SLC16A1: variants seen among roughly 807,000 people sequenced by gnomAD.
The protein encoded by SLC16A1 is solute carrier family 16 member 1, also known as monocarboxylate transporter 1.
Under a neutral mutation model 32.2 loss-of-function variants are expected in SLC16A1, and 11 were observed. The observed-to-expected ratio is 0.34, with a 90% CI of 0.21 to 0.56. The LOEUF (loss-of-function observed/expected upper bound fraction) is 0.56, where lower values mean the gene tolerates loss of function less well. Among genes scored for constraint, SLC16A1 ranks in the 20% least tolerant of loss-of-function variants. The pLI is 0.87. For synonymous variants in SLC16A1, 231 were observed against 226.8 expected (o/e 1.02, Z -0.17); for missense variants, 435 against 615.0 (o/e 0.71, Z 3.10).
chr1:112,953,410 G>A (rs960493585), intron 1 of SLC16A1, among the ~76,000 whole-genome samples: 17 of 152,080 alleles, frequency 1.1e-4, no homozygotes, highest in African/African-American at 3.4e-4. Flanking sequence ...TGATCCACCC[G>A]CCTTGGCCTC....
chr1:112,939,396 T>A (rs1649424671), intron 1 of SLC16A1, among the ~76,000 whole-genome samples: 1 of 152,216 alleles, frequency 6.6e-6, no homozygotes, highest in Admixed American at 6.5e-5. Context: ...CCAAAGGAAC[T>A]GAAATCTGGA....
chr1:112,953,719 G>C (rs1649981594), intron 1 of SLC16A1, among the ~76,000 whole-genome samples: 1 of 152,148 alleles, frequency 6.6e-6, no homozygotes, highest in Non-Finnish European at 1.5e-5. Context: ...TGTAGCTTCA[G>C]TGTTCATGTC....
Position 112,917,157 on chromosome 1 carries a change from T to TA in SLC16A1, c.1228+20dup. 3.7e-6 allele frequency: 6 copies of TA among 1,614,044 alleles called. No homozygotes were observed. Among genetic ancestry groups the TA allele is most frequent in the Non-Finnish European group, 5.1e-6 (6 of 1,179,998 alleles). ...TGCTTGTTTTGTAATAGACCCACAT[T>TA]AGTAGGGAGATATACTATACCTAAA... On this transcript the variant is annotated intron_variant, in intron 4 of 4. Transcript: ENST00000369626. This position sits in a 1 kb window ranked among gnomAD's most constrained non-coding sequence, Gnocchi z 4.1.
Position 112,929,346 on chromosome 1 carries a change from C to T in SLC16A1, c.-38G>A. ...TAAATTCCAAAATGCAGGTCAAATC[C>T]AAATATCTGAAAGACATAAAATTAA... On this transcript the variant is annotated 5_prime_UTR_variant, in exon 2 of 5. Coordinates refer to ENST00000369626, the MANE Select transcript of SLC16A1 (RefSeq NM_003051.4). 1 of 1,526,630 alleles carries T rather than the reference C, an allele frequency of 6.6e-7. No individual in the cohort carries two copies. 94.6% of individuals were successfully genotyped at this position (1,526,630 alleles called of 1,614,324 possible).
At chr1:112,934,705 AAAGAAAAGGAGAC>A (rs1649241533) in intron 1 of SLC16A1, among the ~76,000 whole-genome samples, 1 of 152,212 alleles carries the variant, frequency 6.6e-6, no homozygotes, top group South Asian at 2.1e-4. Flanking sequence ...AGATGAGGAT[AAAGAAAAGGAGAC>A]AAGAGGAGGA....
At position 112,929,140 on chromosome 1, in the gene SLC16A1, C is replaced by G. The variant is rs571088514; in HGVS notation, c.169G>C (p.Glu57Gln). Residue 57 changes from glutamate (E) to glutamine (Q), a missense_variant, in exon 2 of 5, where the codon GAA (glutamate) becomes CAA (glutamine). Physicochemically the swap from Glu to Gln is conservative, Grantham distance 29. This residue lies in a region of SLC16A1 where 324 missense variants were observed against 500.3 expected (regional missense o/e 0.65). Transcript: ENST00000369626. ...IEGIFHATTS[E>Q]VSWISSIMLA... The stretch of plus-strand genomic sequence containing the variant: ...ATTATGGAGGATATCCATGACACTT[C>G]GCTGGTGGTGGCATGGAATATACCT... The G allele has an allele frequency of 2.5e-6, 4 of 1,613,950 alleles. No individual in the cohort carries two copies. The highest frequency in any genetic ancestry group is 2.5e-6 in the Non-Finnish European group (3 of 1,179,998).
chr1:112,921,231 G>A (rs7518984), intron 3 of SLC16A1, among the ~76,000 whole-genome samples: 45,500 of 151,900 alleles, frequency 0.3, 8,698 homozygotes, highest in African/African-American at 0.54. Context: ...TTTAAAAAAG[G>A]CAATATCCCA....
At position 112,923,800 on chromosome 1, in the gene SLC16A1, C is replaced by T. The variant is rs1045092371; in HGVS notation, c.218-1667G>A. The T allele has an allele frequency of 8.7e-6, 13 of 1,496,726 alleles. No homozygotes were observed. In the Admixed American group the frequency reaches 2.2e-4, roughly 25 times the overall value. 92.7% of individuals were successfully genotyped at this position (1,496,726 alleles called of 1,614,324 possible). A position where few individuals can be genotyped will look rare whatever the true frequency, so the allele number is the denominator to read the frequency against. Reference sequence around the variant, plus strand: ...TCCAACTATGCCACCTGGGAAGTGGCCAAGATCTGTAACCTCTGCAAGAGC... The same window carrying T: ...TCCAACTATGCCACCTGGGAAGTGGTCAAGATCTGTAACCTCTGCAAGAGC... On this transcript the variant is annotated intron_variant, in intron 2 of 4. Coordinates refer to ENST00000369626, the MANE Select transcript of SLC16A1 (RefSeq NM_003051.4).
intron 1 of SLC16A1, among the ~76,000 whole-genome samples, chr1:112,933,012 T>C: frequency 6.6e-6 from 1 of 152,180 alleles, no homozygotes; most frequent in East Asian, 1.9e-4. Flanking sequence ...AATGCTATTG[T>C]AAATGGTAAA....
At position 112,922,000 on chromosome 1, in the gene SLC16A1, T is replaced by C; in HGVS notation, c.351A>G (p.Gly117=). 6.2e-7 allele frequency: 1 copy of C among 1,614,066 alleles called. No homozygotes were observed. The highest frequency in any genetic ancestry group is 1.1e-5 in the South Asian group (1 of 91,080). The change falls in exon 3 of 5, where the codon GGA becomes GGG. Residue 117 remains glycine (G), a synonymous_variant. Transcript: ENST00000369626. ...NTVQQLYVCI[G]VIGGLGLAFN... ...TCAGTAGTAACTCACCTCCAATGAC[T>C]CCAATACAGACGTATAGTTGCTGTA...
chr1:112,914,009 T>C lies in SLC16A1; in HGVS notation c.1385A>G (p.Lys462Arg). Residue 462 changes from lysine (K) to arginine (R), a missense_variant, in exon 5 of 5, where the codon AAA (lysine) becomes AGA (arginine). Coordinates refer to ENST00000369626, the MANE Select transcript of SLC16A1 (RefSeq NM_003051.4). ...AACATCTATACTGGTCTCTTCCTCT[T>C]TACTTTCCTTTTTCTGCTCGTTTGC... ...QKANEQKKESKEEETSIDVAG... is the reference protein window; with the variant it reads ...QKANEQKKESREEETSIDVAG... The C allele has an allele frequency of 6.2e-7, 1 of 1,614,210 alleles. No homozygotes were observed. The highest frequency in any genetic ancestry group is 1.1e-5 in the South Asian group (1 of 91,082).
chr1:112,925,408 G>A (rs1648906128), intron 2 of SLC16A1, among the ~76,000 whole-genome samples: 1 of 150,574 alleles, frequency 6.6e-6, no homozygotes, highest in African/African-American at 2.5e-5. Context: ...GAGACAAGGT[G>A]TTGTTCTGTC....
chr1:112,916,686 T>C (rs919250295), intron 4 of SLC16A1, among the ~76,000 whole-genome samples: 7 of 152,002 alleles, frequency 4.6e-5, no homozygotes, highest in South Asian at 2.1e-4. Flanking sequence ...ACCCAGCACT[T>C]TGGGAGGCTG....
chr1:112,917,238 C>T lies in SLC16A1; in HGVS notation c.1168G>A (p.Ala390Thr), dbSNP rs779861976. Residue 390 changes from alanine to threonine, a missense_variant, in exon 4 of 5, where the codon GCT becomes ACT. Physicochemically the swap from Ala to Thr is moderately conservative, Grantham distance 58 (BLOSUM62 0). Around this residue, in one of 2 missense-constraint regions of SLC16A1, gnomAD observed 324 missense variants for 500.3 expected, o/e 0.65. Coordinates refer to ENST00000369626, the MANE Select transcript of SLC16A1 (RefSeq NM_003051.4). The surrounding 1 kb of genome is among the most constrained non-coding windows in gnomAD (Gnocchi z 4.1). Reference sequence around the variant, plus strand: ...TCCACAATGGTCACCAATCCCACAGCGCTGGAGAACCTCTGGGGTCCAACA... The same window carrying T: ...TCCACAATGGTCACCAATCCCACAGTGCTGGAGAACCTCTGGGGTCCAACA... ...DLVGPQRFSS[A>T]VGLVTIVECC... 1.4e-5 allele frequency: 22 copies of T among 1,614,162 alleles called. No individual in the cohort carries two copies. The highest frequency in any genetic ancestry group is 1.7e-5 in the Admixed American group (1 of 60,008).
rs773407594 is a variant in SLC16A1 at position 112,917,624 on chromosome 1, C to T, written c.782G>A (p.Arg261Lys). 7 of 1,614,234 alleles carry T rather than the reference C, an allele frequency of 4.3e-6. No individual in the cohort carries two copies. In the Admixed American group the frequency reaches 8.3e-5, roughly 19 times the overall value. The change falls in exon 4 of 5, where the codon AGA (arginine) becomes AAA (lysine). Residue 261 changes from arginine to lysine, a missense_variant. Arg to Lys is a conservative substitution (Grantham distance 26, BLOSUM62 2). This residue lies in a region of SLC16A1 where 324 missense variants were observed against 500.3 expected (regional missense o/e 0.65). Coordinates refer to ENST00000369626, the MANE Select transcript of SLC16A1 (RefSeq NM_003051.4). This position sits in a 1 kb window ranked among gnomAD's most constrained non-coding sequence, Gnocchi z 4.1. ...QFLDLTLFTH[R>K]GFLLYLSGNV... ...TCCAGAGAGGTATAGCAAAAAGCCTCTGTGGGTGAATAGGGTTAAGTCCAG... is the reference window on the plus strand; with the variant it reads ...TCCAGAGAGGTATAGCAAAAAGCCTTTGTGGGTGAATAGGGTTAAGTCCAG...
At chr1:112,921,516 A>G (rs528505801) in intron 3 of SLC16A1, among the ~76,000 whole-genome samples, 7 of 151,762 alleles carry the variant, frequency 4.6e-5, no homozygotes, top group Non-Finnish European at 1.0e-4. Context: ...GGAAGGATAT[A>G]CATAGAAATG....
intron 2 of SLC16A1, among the ~76,000 whole-genome samples, chr1:112,927,947 C>T (rs1648997060): frequency 6.6e-6 from 1 of 152,100 alleles, no homozygotes; most frequent in African/African-American, 2.4e-5. Context: ...ATAGTCAAAA[C>T]CTGATTAAAA....
At chr1:112,923,708 G>T in intron 2 of SLC16A1, 1 of 1,538,636 alleles carries the variant, frequency 6.5e-7, no homozygotes, top group South Asian at 1.1e-5. Flanking sequence ...ACAGCACCCC[G>T]GTGGAAGAGA....
chr1:112,923,093 A>G (rs889599095), intron 2 of SLC16A1, among the ~76,000 whole-genome samples: 1 of 151,930 alleles, frequency 6.6e-6, no homozygotes, highest in South Asian at 2.1e-4. Flanking sequence ...TGGGAGGTGG[A>G]TGGATCACCT....
Sources: gnomAD v4.1 joint callset for allele counts (sites outside exome capture counted in the v4.1 genomes callset) on GRCh38, gnomAD v4.1.1 for gene constraint, gnomAD v4.1.1 regional missense constraint, Gnocchi (gnomAD v3.1) non-coding constraint, MANE v1.5 for transcripts, NCBI Gene and HGNC (gene_info 2026-07-23, HGNC 2026-07-21) for gene names.